The following SH2D4A variants were observed in gnomAD, a reference collection of about 807,000 sequenced individuals.
SH2D4A encodes the protein SH2 domain-containing protein 4A.
SH2D4A carries 70 observed loss-of-function variants against 64.7 expected under a neutral mutation model. That is an observed-to-expected ratio of 1.08 (90% CI 0.89 to 1.32). The LOEUF (loss-of-function observed/expected upper bound fraction) is 1.32, where lower values mean the gene tolerates loss of function less well. Ranked by LOEUF, SH2D4A falls within the 40% of genes most tolerant of loss-of-function variation. SH2D4A has a pLI of 0.00. For synonymous variants in SH2D4A, 268 were observed against 200.7 expected (o/e 1.34, Z -2.83); for missense variants, 706 against 540.1 (o/e 1.31, Z -3.04).
intron 8 of SH2D4A, among the ~76,000 whole-genome samples, chr8:19,376,045 G>T (rs561965004): frequency 1.3e-5 from 2 of 152,162 alleles, no homozygotes; most frequent in Admixed American, 6.5e-5. Flanking sequence ...CTACCTTAGG[G>T]TTCTTGCAGT....
intron 6 of SH2D4A, 126 bp from the exon 7 acceptor site, chr8:19,363,946 C>T: frequency 1.2e-6 from 1 of 819,164 alleles, no homozygotes; most frequent in Non-Finnish European, 1.9e-6. Flanking sequence ...AATGATTGTT[C>T]CTTATTATAA....
chr8:19,322,628 T>G (rs975782830), intron 2 of SH2D4A, among the ~76,000 whole-genome samples: 135 of 150,954 alleles, frequency 8.9e-4, no homozygotes, highest in South Asian at 2.1e-3. Context: ...TTTTTTTTTT[T>G]TTTTTAAAGA....
chr8:19,326,941 G>A (rs2052291071), intron 2 of SH2D4A, among the ~76,000 whole-genome samples: 1 of 152,222 alleles, frequency 6.6e-6, no homozygotes, highest in South Asian at 2.1e-4. Flanking sequence ...CAACTCAACA[G>A]TGCTGTGAGT....
At chr8:19,367,658 T>G (rs556494736) in intron 7 of SH2D4A, among the ~76,000 whole-genome samples, 5 of 152,338 alleles carry the variant, frequency 3.3e-5, no homozygotes, top group African/African-American at 1.2e-4. Context: ...ATTTTCTCCC[T>G]TTCTGTAACT....
Position 19,393,402 on chromosome 8 carries a change from T to C in SH2D4A, c.1133T>C (p.Ile378Thr). The change falls in exon 9 of 10, where the codon ATC becomes ACC. Residue 378 changes from isoleucine to threonine, a missense_variant. Transcript: ENST00000265807. ...TTTCTCATCCGAGTCAGTGAAAGGA[T>C]CAAAGGCTATGCCCTGTCCTATCTG... ...GSFLIRVSERIKGYALSYLSE... is the reference protein window; with the variant it reads ...GSFLIRVSERTKGYALSYLSE... 6.2e-7 allele frequency: 1 copy of C among 1,614,124 alleles called. No individual in the cohort carries two copies. The highest frequency in any genetic ancestry group is 8.5e-7 in the Non-Finnish European group (1 of 1,179,948).
chr8:19,387,827 G>T (rs1282204633), intron 8 of SH2D4A, among the ~76,000 whole-genome samples: 1 of 152,186 alleles, frequency 6.6e-6, no homozygotes, highest in Non-Finnish European at 1.5e-5. Flanking sequence ...CATGTAATTT[G>T]TTGGTAATAT....
At chr8:19,321,315 G>C (rs570847388) in intron 2 of SH2D4A, among the ~76,000 whole-genome samples, 1 of 152,268 alleles carries the variant, frequency 6.6e-6, no homozygotes, top group East Asian at 1.9e-4. Context: ...CCGGGTTCAA[G>C]CAATTCTCCT....
Position 19,364,150 on chromosome 8 carries a change from T to A in SH2D4A, c.785T>A (p.Leu262His), listed in dbSNP as rs747964811. The change falls in exon 7 of 10, where the codon CTC becomes CAC. Residue 262 changes from leucine to histidine, a missense_variant. Coordinates refer to ENST00000265807, the MANE Select transcript of SH2D4A (RefSeq NM_022071.4). ...QAREDYKRLS[L>H]GAQKGRGGER... ...CGAGAAGACTACAAGAGGTTATCCC[T>A]CGGGGCCCAGAAAGGAAGAGGCGGT... 1.2e-6 allele frequency: 2 copies of A among 1,613,994 alleles called. No homozygotes were observed. Among genetic ancestry groups the A allele is most frequent in the Non-Finnish European group, 1.7e-6 (2 of 1,179,958 alleles).
intron 1 of SH2D4A, among the ~76,000 whole-genome samples, chr8:19,317,496 G>A (rs2052109600): frequency 1.3e-5 from 1 of 79,326 alleles, no homozygotes; most frequent in Non-Finnish European, 3.0e-5. Flanking sequence ...AGTCAGTAGG[G>A]ATAGGTGTAG....
At chr8:19,330,261 C>T (rs1453760997) in intron 2 of SH2D4A, among the ~76,000 whole-genome samples, 1 of 152,194 alleles carries the variant, frequency 6.6e-6, no homozygotes. Context: ...CCTCCTACAG[C>T]TTCAGGGAGT....
rs188958588 is a variant in SH2D4A at position 19,382,329 on chromosome 8, T to C, written c.1048+8669T>C. Among the ~76,000 whole-genome samples the C allele has an allele frequency of 4.4e-3, 663 of 152,290 alleles. 1 individual carries two copies. Among genetic ancestry groups the C allele is most frequent in the Admixed American group, 7.5e-3 (115 of 15,292 alleles). ...TGACAGTTATTTTTCTTTCAGTATTTTGAATATGCAGATAGTCCTCCACTT... is the reference window on the plus strand; with the variant it reads ...TGACAGTTATTTTTCTTTCAGTATTCTGAATATGCAGATAGTCCTCCACTT... On this transcript the variant is annotated intron_variant, in intron 8 of 9. Transcript: ENST00000265807.
chr8:19,367,345 T>A (rs1016964390), intron 7 of SH2D4A, among the ~76,000 whole-genome samples: 2 of 152,190 alleles, frequency 1.3e-5, no homozygotes, highest in Non-Finnish European at 2.9e-5. Flanking sequence ...AATGGTATAC[T>A]AATTTATATT....
Position 19,373,653 on chromosome 8 carries a change from G to A in SH2D4A, c.1041G>A (p.Trp347Ter). The A allele has an allele frequency of 1.2e-6, 2 of 1,613,062 alleles. No individual in the cohort carries two copies. The highest frequency in any genetic ancestry group is 1.7e-6 in the Non-Finnish European group (2 of 1,179,426). ...AAACCTCAGACACCATAGCCCCCTG[G>A]TTCCATGGTGAGTGCAGAGATTTCC... Reference protein sequence around the residue: ...YQKTSDTIAPWFHGILTLKKA... With the variant: ...YQKTSDTIAP Residue 347 changes from tryptophan to a stop codon, truncating the protein, a stop_gained, in exon 8 of 10, where the codon TGG (tryptophan) becomes TGA (stop). Transcript: ENST00000265807. LOFTEE classifies it high-confidence loss of function.
chr8:19,356,489 G>T lies in SH2D4A; in HGVS notation c.514-714G>T, dbSNP rs538240844. On this transcript the variant is annotated intron_variant, in intron 4 of 9. Transcript: ENST00000265807. ...CTACCCATGTTGGGACTTAGCTTAG[G>T]CTCTGCACTCCAGCCAGGGACTGAT... Among the ~76,000 whole-genome samples the T allele has an allele frequency of 7.9e-5, 12 of 152,294 alleles. No individual in the cohort carries two copies. The East Asian group carries it at 2.3e-3, about 29-fold the overall frequency.
intron 4 of SH2D4A, among the ~76,000 whole-genome samples, chr8:19,337,721 C>T (rs1157104454): frequency 2.0e-5 from 3 of 152,156 alleles, no homozygotes; most frequent in Admixed American, 1.3e-4. Context: ...AGAGCTTGCG[C>T]AGGGAAATTC....
At chr8:19,361,384 A>C in intron 6 of SH2D4A, 70 bp downstream of exon 6, 1 of 1,476,142 alleles carries the variant, frequency 6.8e-7, no homozygotes, top group Non-Finnish European at 9.0e-7. Flanking sequence ...TAATGTGATC[A>C]ATCTAGAAAG....
At chr8:19,369,751 TTTG>T (rs756121733) in intron 7 of SH2D4A, among the ~76,000 whole-genome samples, 15 of 152,032 alleles carry the variant, frequency 9.9e-5, no homozygotes, top group East Asian at 1.9e-4. Flanking sequence ...TTATGTGAGT[TTTG>T]TTATTAAAAC....
In SH2D4A at chr8:19,373,584, G is replaced by T. The variant is rs543016484; in HGVS notation, c.972G>T (p.Arg324=). 196 of 1,613,374 alleles carry T rather than the reference G, an allele frequency of 1.2e-4. 6 individuals are homozygous for T. In the South Asian group the frequency reaches 2.1e-3, roughly 17 times the overall value. ...LSSSAQEDII[R]WFKEEQLPLR... is the part of the protein sequence containing the mutation. ...GCTCTGCCCAAGAGGACATCATCCGGTGGTTTAAAGAGGAGCAGCTACCAC... is the reference window on the plus strand; with the variant it reads ...GCTCTGCCCAAGAGGACATCATCCGTTGGTTTAAAGAGGAGCAGCTACCAC... Residue 324 remains arginine, a synonymous_variant, in exon 8 of 10, where the codon CGG becomes CGT. Coordinates refer to ENST00000265807, the MANE Select transcript of SH2D4A (RefSeq NM_022071.4).
intron 7 of SH2D4A, among the ~76,000 whole-genome samples, chr8:19,368,949 G>A (rs1324558122): frequency 6.6e-6 from 1 of 152,002 alleles, no homozygotes; most frequent in South Asian, 2.1e-4. Context: ...TCCTCTTTCA[G>A]CATGTAAACT....
Sources: gnomAD v4.1 joint callset for allele counts (sites outside exome capture counted in the v4.1 genomes callset) on GRCh38, gnomAD v4.1.1 for gene constraint, MANE v1.5 for transcripts, NCBI Gene and HGNC (gene_info 2026-07-23, HGNC 2026-07-21) for gene names.